Variants in SLC22A4 observed in about 807,000 individuals in gnomAD.
SLC22A4 encodes the protein ET transporter.
Under a neutral mutation model 56.6 loss-of-function variants are expected in SLC22A4, and 39 were observed. The ratio of observed to expected loss-of-function variants is 0.69; its 90% CI spans 0.53 to 0.90. The LOEUF is 0.90. SLC22A4 is among the 40% of genes least tolerant of loss of function. SLC22A4 has a pLI of 0.00. For synonymous variants in SLC22A4, 241 were observed against 281.4 expected, an observed-to-expected ratio of 0.86 and a Z score of 1.44; for missense variants, 594 against 696.5, an observed-to-expected ratio of 0.85 and a Z score of 1.66.
At chr5:132,319,728 G>A (rs1750476619) in intron 3 of SLC22A4, among the ~76,000 whole-genome samples, 4 of 152,150 alleles carry the variant, frequency 2.6e-5, no homozygotes, top group Admixed American at 2.6e-4. Flanking sequence ...GAATAGGTGG[G>A]ATTACAGGTG....
At chr5:132,332,315 A>G (rs1478939913) in intron 6 of SLC22A4, 1 of 185,818 alleles carries the variant, frequency 5.4e-6, no homozygotes, top group Non-Finnish European at 1.1e-5. Flanking sequence ...CTCCATCTAA[A>G]AAAAAAAAAG....
chr5:132,295,135 C>A, intron 1 of SLC22A4, 126 bp downstream of exon 1: 1 of 1,091,982 alleles, frequency 9.2e-7, no homozygotes, highest in African/African-American at 1.6e-5. Context: ...GCTGTTCATA[C>A]TTCCAGCAGC....
intron 6 of SLC22A4, among the ~76,000 whole-genome samples, chr5:132,333,572 G>A (rs1373281316): frequency 1.3e-5 from 2 of 152,192 alleles, no homozygotes; most frequent in African/African-American, 2.4e-5. Context: ...AATCTGGGCG[G>A]TGAGAGTTCC....
intron 8 of SLC22A4, among the ~76,000 whole-genome samples, chr5:132,339,194 T>C (rs1751122166): frequency 6.6e-6 from 1 of 151,972 alleles, no homozygotes; most frequent in African/African-American, 2.4e-5. Flanking sequence ...TGCAAACTCT[T>C]TGCAATGGAA....
At chr5:132,323,247 G>A (rs574458050) in intron 4 of SLC22A4, among the ~76,000 whole-genome samples, 3 of 152,140 alleles carry the variant, frequency 2.0e-5, no homozygotes, top group African/African-American at 4.8e-5. Context: ...CATAACACAA[G>A]CTTCTTTGAC....
In SLC22A4 at chr5:132,294,419, C is replaced by G. The variant is rs1749723536; in HGVS notation, c.-198C>G. 1.5e-6 allele frequency: 1 copy of G among 681,932 alleles called. No homozygotes were observed. Among genetic ancestry groups the G allele is most frequent in the African/African-American group, 1.8e-5 (1 of 55,944 alleles). 42.2% of individuals were successfully genotyped at this position (681,932 alleles called of 1,614,324 possible). On this transcript the variant is annotated 5_prime_UTR_variant, in exon 1 of 10. Transcript: ENST00000200652. The surrounding 1 kb of genome is among the most constrained non-coding windows in gnomAD (Gnocchi z 5.6). ...AAGTGTACAGTGGCATCAAGCTCAG[C>G]GCGAGCTCCCGGGAACGCTCCAACG...
At chr5:132,341,355 T>C (rs988535006) in intron 9 of SLC22A4, among the ~76,000 whole-genome samples, 1 of 151,320 alleles carries the variant, frequency 6.6e-6, no homozygotes, top group Non-Finnish European at 1.5e-5. Context: ...GAGGTGGAGG[T>C]TGCAGTGAGC....
chr5:132,334,633 G>A, intron 6 of SLC22A4, 85 bp from the exon 7 acceptor site: 1 of 926,100 alleles, frequency 1.1e-6, no homozygotes, highest in Admixed American at 1.7e-5. Context: ...TTATAAGACA[G>A]CAAGATATAG....
At position 132,294,590 on chromosome 5, in the gene SLC22A4, G is replaced by C. The variant is rs1226526028; in HGVS notation, c.-27G>C. ...GAGAACGCTGTCATCACCCGTAGTT[G>C]CAAGTTTCGGAGCGGCAGTGGGAAG... On this transcript the variant is annotated 5_prime_UTR_variant, in exon 1 of 10. Transcript: ENST00000200652. This position sits in a 1 kb window ranked among gnomAD's most constrained non-coding sequence, Gnocchi z 5.6. The C allele has an allele frequency of 1.2e-6, 2 of 1,613,988 alleles. No individual in the cohort carries two copies. Among genetic ancestry groups the C allele is most frequent in the Non-Finnish European group, 1.7e-6 (2 of 1,180,016 alleles).
intron 3 of SLC22A4, among the ~76,000 whole-genome samples, chr5:132,321,776 T>C (rs765406948): frequency 1.1e-4 from 17 of 152,016 alleles, no homozygotes; most frequent in Non-Finnish European, 7.4e-5. Context: ...GGCGTGGTGG[T>C]GCACGCCTGT....
intron 4 of SLC22A4, chr5:132,324,784 C>G: frequency 2.9e-6 from 1 of 342,820 alleles, no homozygotes; most frequent in South Asian, 2.2e-5. Context: ...TGAATTCAAT[C>G]TACAGAGAGA....
At chr5:132,315,594 T>C (rs1045501568) in intron 3 of SLC22A4, among the ~76,000 whole-genome samples, 3 of 152,064 alleles carry the variant, frequency 2.0e-5, no homozygotes, top group African/African-American at 7.2e-5. Context: ...CCAGTTCCCA[T>C]GCAGCATGTG....
rs143140136 is a variant in SLC22A4, at chr5:132,322,211, G to C, written c.680G>C (p.Arg227Pro). The change falls in exon 4 of 10, where the codon CGT (arginine) becomes CCT (proline). Residue 227 changes from arginine (R) to proline (P), a missense_variant. Transcript: ENST00000200652. ...LGTEILGKSVRIIFSTLGVCT... is the reference protein window; with the variant it reads ...LGTEILGKSVPIIFSTLGVCT... Reference sequence around the variant, plus strand: ...ACAGAAATTCTTGGCAAGTCAGTTCGTATTATATTCTCTACATTAGGAGTG... The same window carrying C: ...ACAGAAATTCTTGGCAAGTCAGTTCCTATTATATTCTCTACATTAGGAGTG... The C allele has an allele frequency of 2.4e-5, 39 of 1,613,528 alleles. No homozygotes were observed. The highest frequency in any genetic ancestry group is 2.9e-5 in the Non-Finnish European group (34 of 1,179,794).
intron 1 of SLC22A4, among the ~76,000 whole-genome samples, chr5:132,300,444 G>A (rs1413045164): frequency 1.3e-5 from 2 of 152,112 alleles, no homozygotes; most frequent in African/African-American, 4.8e-5. Flanking sequence ...TATTACTGCA[G>A]TTTGCCTAGT....
intron 1 of SLC22A4, among the ~76,000 whole-genome samples, chr5:132,303,696 T>A (rs1326868405): frequency 6.6e-6 from 1 of 152,188 alleles, no homozygotes; most frequent in East Asian, 1.9e-4. Context: ...CTACTCCAGG[T>A]GCCACAAGTT....
In SLC22A4 at chr5:132,342,116, G is replaced by A. The variant is rs143225960; in HGVS notation, c.1580+1416G>A. ...CATAAAGGAACAGATTGATATATCT[G>A]ATTGTACATTTTTTAAATTATTGGC... On this transcript the variant is annotated intron_variant, in intron 9 of 9. Transcript: ENST00000200652. 1.6e-3 allele frequency among the ~76,000 whole-genome samples: 242 copies of A among 152,294 alleles called. 2 individuals are homozygous for A. The highest frequency in any genetic ancestry group is 0.016 in the East Asian group (81 of 5,190).
rs182260186 is a variant in SLC22A4 at position 132,307,275 on chromosome 5, A to G, written c.394-4886A>G. On this transcript the variant is annotated intron_variant, in intron 1 of 9. Transcript: ENST00000200652. ...GATGTATAGTCCATTATTAACTACT[A>G]CTTCTTACTTTTCTCTAGAATAAAG... 4.8e-3 allele frequency among the ~76,000 whole-genome samples: 724 copies of G among 152,292 alleles called. 5 individuals are homozygous for G. The highest frequency in any genetic ancestry group is 0.022 in the South Asian group (106 of 4,820).
chr5:132,312,543 T>A (rs956351449), intron 2 of SLC22A4, among the ~76,000 whole-genome samples: 1 of 152,156 alleles, frequency 6.6e-6, no homozygotes, highest in African/African-American at 2.4e-5. Context: ...GGGGTCCTCA[T>A]ACCACAGACT....
At chr5:132,317,366 G>A (rs1407649870) in intron 3 of SLC22A4, among the ~76,000 whole-genome samples, 1 of 152,118 alleles carries the variant, frequency 6.6e-6, no homozygotes. Context: ...CCTCGCCCCT[G>A]GCAACCACTA....
Sources: allele counts gnomAD v4.1 joint callset (sites outside exome capture counted in the v4.1 genomes callset), GRCh38; gene constraint gnomAD v4.1.1; non-coding constraint Gnocchi (gnomAD v3.1); transcripts MANE v1.5; gene names NCBI Gene and HGNC (gene_info 2026-07-23, HGNC 2026-07-21).